The following TMEM132D variants were observed in gnomAD, a reference collection of about 807,000 sequenced individuals.
TMEM132D encodes the protein transmembrane protein 132D.
In TMEM132D, 21 loss-of-function variants were observed where a neutral mutation model predicts 62.3. That is an observed-to-expected ratio of 0.34 (90% CI 0.24 to 0.49). TMEM132D has a LOEUF of 0.49. Among genes scored for constraint, TMEM132D ranks in the 20% least tolerant of loss-of-function variants. TMEM132D has a pLI of 0.99. For missense variants in TMEM132D, 1,346 were observed against 1,402.8 expected (o/e 0.96, Z 0.65); for synonymous variants, 621 against 575.6 (o/e 1.08, Z -1.13).
chr12:129,083,961 G>A (rs1009180914), intron 6 of TMEM132D, among the ~76,000 whole-genome samples: 1 of 152,210 alleles, frequency 6.6e-6, no homozygotes, highest in African/African-American at 2.4e-5. Context: ...CCAAGGCAGA[G>A]AGCTCAGAGC....
At chr12:129,172,527 C>A (rs1112146) in intron 5 of TMEM132D, among the ~76,000 whole-genome samples, 1 of 152,220 alleles carries the variant, frequency 6.6e-6, no homozygotes, top group African/African-American at 2.4e-5. Flanking sequence ...TTTAAAGTGA[C>A]AGACTCTTCC....
Position 129,148,342 on chromosome 12 carries a change from T to A in TMEM132D, c.1443+61178A>T, listed in dbSNP as rs1202115046. Reference sequence around the variant, plus strand: ...ACCTTACATGGCAGAGGGGACTCTGTAGATGTGATTAAGGGTTTTAAAATG... The same window carrying A: ...ACCTTACATGGCAGAGGGGACTCTGAAGATGTGATTAAGGGTTTTAAAATG... On this transcript the variant is annotated intron_variant, in intron 5 of 8. Coordinates refer to ENST00000422113, the MANE Select transcript of TMEM132D (RefSeq NM_133448.3). Among the ~76,000 whole-genome samples, 9 of 152,264 alleles carry A rather than the reference T, an allele frequency of 5.9e-5. No individual in the cohort carries two copies. The South Asian group carries it at 8.3e-4, about 14-fold the overall frequency.
intron 1 of TMEM132D, among the ~76,000 whole-genome samples, chr12:129,767,254 C>T (rs1017341617): frequency 6.6e-6 from 1 of 152,192 alleles, no homozygotes; most frequent in Non-Finnish European, 1.5e-5. Flanking sequence ...TGTGAGGGTT[C>T]CCATGTACCT....
intron 4 of TMEM132D, among the ~76,000 whole-genome samples, chr12:129,229,514 G>C (rs1186552617): frequency 6.6e-6 from 1 of 152,120 alleles, no homozygotes; most frequent in Non-Finnish European, 1.5e-5. Flanking sequence ...TAAGTAAATG[G>C]GTTCTCAGTC....
intron 3 of TMEM132D, among the ~76,000 whole-genome samples, chr12:129,393,430 G>A (rs558960628): frequency 6.6e-6 from 1 of 152,286 alleles, no homozygotes; most frequent in East Asian, 1.9e-4. Flanking sequence ...ATGCTTTCCT[G>A]TTTCTTTCCA....
intron 2 of TMEM132D, among the ~76,000 whole-genome samples, chr12:129,610,254 G>A (rs1214564498): frequency 4.0e-5 from 6 of 148,910 alleles, no homozygotes; most frequent in African/African-American, 9.9e-5. Flanking sequence ...TCCAGCCTGG[G>A]CGACAAGAGC....
chr12:129,747,429 GAC>G (rs368715341), intron 1 of TMEM132D, among the ~76,000 whole-genome samples: 6 of 142,356 alleles, frequency 4.2e-5, no homozygotes, highest in Admixed American at 1.4e-4. Context: ...CACACACACA[GAC>G]ACACACACTC....
At chr12:129,388,775 T>C (rs1354984653) in intron 3 of TMEM132D, among the ~76,000 whole-genome samples, 1 of 117,810 alleles carries the variant, frequency 8.5e-6, no homozygotes, top group South Asian at 2.7e-4. Flanking sequence ...CCAACACCAA[T>C]CCAGCACTGA....
intron 1 of TMEM132D, among the ~76,000 whole-genome samples, chr12:129,724,148 G>T (rs1350153240): frequency 2.6e-5 from 4 of 152,198 alleles, no homozygotes; most frequent in East Asian, 3.8e-4. Context: ...GACAGCGGGG[G>T]CTTCATCAGC....
chr12:129,213,529 A>AC (rs1879113223), intron 4 of TMEM132D, among the ~76,000 whole-genome samples: 3 of 151,550 alleles, frequency 2.0e-5, no homozygotes, highest in African/African-American at 7.3e-5. Context: ...ACAAAACAAA[A>AC]AAACCTAGAG....
intron 3 of TMEM132D, among the ~76,000 whole-genome samples, chr12:129,461,595 A>C (rs1278462423): frequency 6.6e-6 from 1 of 152,102 alleles, no homozygotes; most frequent in Non-Finnish European, 1.5e-5. Flanking sequence ...AGGTCTTCAC[A>C]TCAAACTGGA....
chr12:129,244,779 C>T (rs4394897), intron 4 of TMEM132D, among the ~76,000 whole-genome samples: 38,860 of 151,890 alleles, frequency 0.26, 5,080 homozygotes, highest in African/African-American at 0.28. Flanking sequence ...TACCTCGAAT[C>T]ACAGGTGTGG....
chr12:129,803,122 C>T (rs1871853179), intron 1 of TMEM132D, among the ~76,000 whole-genome samples: 1 of 151,570 alleles, frequency 6.6e-6, no homozygotes, highest in African/African-American at 2.4e-5. Context: ...CAACATTAGA[C>T]AGATCAACGA....
At chr12:129,244,639 T>C (rs1043906445) in intron 4 of TMEM132D, among the ~76,000 whole-genome samples, 8 of 151,716 alleles carry the variant, frequency 5.3e-5, no homozygotes, top group Non-Finnish European at 1.0e-4. Flanking sequence ...TTTTGTTTTG[T>C]TTTGTTTTGT....
intron 2 of TMEM132D, among the ~76,000 whole-genome samples, chr12:129,570,232 T>C (rs1877474825): frequency 6.6e-6 from 1 of 152,112 alleles, no homozygotes; most frequent in Non-Finnish European, 1.5e-5. Context: ...ATAGAATCCA[T>C]AGGAGGAGCA....
intron 2 of TMEM132D, among the ~76,000 whole-genome samples, chr12:129,662,810 A>AT (rs1555224282): frequency 6.1e-5 from 1 of 16,426 alleles, no homozygotes; most frequent in Non-Finnish European, 1.2e-4. Flanking sequence ...AAAAAAAAAA[A>AT]AAAGAGAGAG....
At chr12:129,724,383 A>G (rs1868951042) in intron 1 of TMEM132D, among the ~76,000 whole-genome samples, 1 of 152,220 alleles carries the variant, frequency 6.6e-6, no homozygotes, top group African/African-American at 2.4e-5. Context: ...AAAAGAAGGA[A>G]ACAGATTCTC....
chr12:129,082,172 A>G, intron 6 of TMEM132D, 140 bp from the exon 7 acceptor site: 1 of 1,020,750 alleles, frequency 9.8e-7, no homozygotes, highest in East Asian at 2.5e-5. Context: ...GCAGAGGTGA[A>G]CTTCAGATAC....
intron 2 of TMEM132D, among the ~76,000 whole-genome samples, chr12:129,614,151 G>A (rs1490124072): frequency 6.6e-6 from 1 of 151,924 alleles, no homozygotes; most frequent in East Asian, 1.9e-4. Context: ...GAGAACCCAG[G>A]TGACTATCTC....
Sources: gnomAD v4.1 joint callset for allele counts (sites outside exome capture counted in the v4.1 genomes callset) on GRCh38, gnomAD v4.1.1 for gene constraint, MANE v1.5 for transcripts, NCBI Gene and HGNC (gene_info 2026-07-23, HGNC 2026-07-21) for gene names.